The following VPS50 variants were observed in gnomAD, a reference collection of about 807,000 sequenced individuals.
VPS50 encodes VPS50 subunit of EARP/GARPII complex.
Under a neutral mutation model 139.7 loss-of-function variants are expected in VPS50, and 70 were observed. That is an observed-to-expected ratio of 0.50 (90% CI 0.41 to 0.61). The LOEUF is 0.61. VPS50 is among the 20% of genes least tolerant of loss of function. VPS50 has a pLI of 0.00. For synonymous variants in VPS50, 365 were observed against 376.7 expected, an observed-to-expected ratio of 0.97 and a Z score of 0.36; for missense variants, 921 against 1,133.7, an observed-to-expected ratio of 0.81 and a Z score of 2.69.
chr7:93,324,439 C>G (rs1023793982), intron 21 of VPS50, among the ~76,000 whole-genome samples: 3 of 152,198 alleles, frequency 2.0e-5, no homozygotes, highest in South Asian at 2.1e-4. Flanking sequence ...ATAGATAGCT[C>G]TTATTATTTT....
intron 25 of VPS50, among the ~76,000 whole-genome samples, chr7:93,351,757 T>C (rs895164069): frequency 3.9e-5 from 6 of 152,128 alleles, no homozygotes; most frequent in Admixed American, 6.6e-5. Flanking sequence ...TTAGGGAGGA[T>C]ACAACATTCA....
In VPS50 at chr7:93,358,411, A is replaced by G. The variant is rs1420858264; in HGVS notation, c.2870A>G (p.Asp957Gly). ...AGACAAAAACTTCTAGCAGCTATAG[A>G]TGATATAGACAGACCTAAAAGATAA... ...KARQKLLAAI[D>G]DIDRPKR is the part of the protein sequence containing the mutation. Residue 957 changes from aspartate (D) to glycine (G), a missense_variant, in exon 28 of 28, where the codon GAT becomes GGT. By Grantham distance (94) the Asp-to-Gly change is moderately conservative. Coordinates refer to ENST00000305866, the MANE Select transcript of VPS50 (RefSeq NM_017667.4). The G allele has an allele frequency of 1.2e-6, 2 of 1,611,480 alleles. No homozygotes were observed. Among genetic ancestry groups the G allele is most frequent in the South Asian group, 1.1e-5 (1 of 91,016 alleles).
intron 16 of VPS50, among the ~76,000 whole-genome samples, chr7:93,298,119 T>C (rs1194365429): frequency 2.0e-5 from 3 of 152,148 alleles, no homozygotes; most frequent in African/African-American, 2.4e-5. Context: ...TTAATTATTA[T>C]ATATATTTGA....
chr7:93,353,651 G>C lies in VPS50; in HGVS notation c.2475G>C (p.Gln825His), dbSNP rs1798619080. 1 of 1,612,510 alleles carries C rather than the reference G, an allele frequency of 6.2e-7. No individual in the cohort carries two copies. Among genetic ancestry groups the C allele is most frequent in the African/African-American group, 1.3e-5 (1 of 74,846 alleles). The change falls in exon 26 of 28, where the codon CAG becomes CAC. Residue 825 changes from glutamine to histidine, a missense_variant. Gln to His is a conservative substitution (Grantham distance 24). Transcript: ENST00000305866. Reference sequence around the variant, plus strand: ...ATTTGTCTTCTTAGGAATTTGAGCAGTTTAACAGGAGGCTAAATGAAGTTT... The same window carrying C: ...ATTTGTCTTCTTAGGAATTTGAGCACTTTAACAGGAGGCTAAATGAAGTTT... ...YVDALLKEFE[Q>H]FNRRLNEVSK...
At chr7:93,317,228 G>A (rs1369519077) in intron 20 of VPS50, among the ~76,000 whole-genome samples, 7 of 152,044 alleles carry the variant, frequency 4.6e-5, no homozygotes, top group Admixed American at 6.6e-5. Context: ...TTTGGCATGC[G>A]TCAGTATCAC....
intron 12 of VPS50, among the ~76,000 whole-genome samples, chr7:93,289,870 T>G (rs1376113416): frequency 1.3e-5 from 2 of 152,042 alleles, no homozygotes; most frequent in Non-Finnish European, 2.9e-5. Context: ...CTCAGTAAAT[T>G]TATAAATTAA....
chr7:93,360,640 CA>C lies in VPS50; in HGVS notation c.*2209del, dbSNP rs1451595746. Reference sequence around the variant, plus strand: ...AATGTAAATGGAATTATACGTGTTCCAAAAACTATCATTACCAAAAATTTAT... The same window carrying C: ...AATGTAAATGGAATTATACGTGTTCCAAAACTATCATTACCAAAAATTTAT... On this transcript the variant is annotated 3_prime_UTR_variant, in exon 28 of 28. Transcript: ENST00000305866. The C allele has an allele frequency of 1.3e-5, 2 of 151,826 alleles. No individual in the cohort carries two copies. The highest frequency in any genetic ancestry group is 1.5e-5 in the Non-Finnish European group (1 of 67,898). 9.4% of individuals were successfully genotyped at this position (151,826 alleles called of 1,614,324 possible).
intron 16 of VPS50, 136 bp downstream of exon 16, chr7:93,297,379 G>A (rs1040787245): frequency 1.1e-4 from 111 of 978,408 alleles, no homozygotes; most frequent in Non-Finnish European, 1.5e-5. Flanking sequence ...TTTTAAGATG[G>A]TTAAGGATTT....
intron 12 of VPS50, among the ~76,000 whole-genome samples, chr7:93,283,262 C>T (rs1176713032): frequency 1.3e-5 from 2 of 149,236 alleles, no homozygotes; most frequent in African/African-American, 5.0e-5. Flanking sequence ...GAGTCTCCCT[C>T]TGTTGCCTGG....
chr7:93,349,900 G>T lies in VPS50; in HGVS notation c.2330G>T (p.Arg777Leu), dbSNP rs767399519. ...SQTVSTASEL[R>L]KPIYWIVAGK... ...ACAGTCTCAACCGCCAGTGAACTACGGAAACCAATTTACTGGATTGTAGCT... is the reference window on the plus strand; with the variant it reads ...ACAGTCTCAACCGCCAGTGAACTACTGAAACCAATTTACTGGATTGTAGCT... Residue 777 changes from arginine to leucine, a missense_variant, in exon 25 of 28, where the codon CGG becomes CTG. By Grantham distance (102) the Arg-to-Leu change is moderately radical. This residue lies in a region of VPS50 where 744 missense variants were observed against 930.6 expected (regional missense o/e 0.80). Transcript: ENST00000305866. 1 of 1,612,846 alleles carries T rather than the reference G, an allele frequency of 6.2e-7. No homozygotes were observed. The highest frequency in any genetic ancestry group is 8.5e-7 in the Non-Finnish European group (1 of 1,179,432).
At position 93,358,445 on chromosome 7, in the gene VPS50, G is replaced by A. The variant is rs1042432327; in HGVS notation, c.*9G>A. 7 of 1,609,148 alleles carry A rather than the reference G, an allele frequency of 4.4e-6. No individual in the cohort carries two copies. The highest frequency in any genetic ancestry group is 1.7e-4 in the Middle Eastern group (1 of 6,042). ...ACAGACCTAAAAGATAATGAACACA[G>A]CTCTCTTTCCTCAATGGCATTGATC... On this transcript the variant is annotated 3_prime_UTR_variant, in exon 28 of 28. Coordinates refer to ENST00000305866, the MANE Select transcript of VPS50 (RefSeq NM_017667.4).
intron 16 of VPS50, among the ~76,000 whole-genome samples, chr7:93,297,914 G>T (rs1796858432): frequency 6.6e-6 from 1 of 152,080 alleles, no homozygotes; most frequent in Non-Finnish European, 1.5e-5. Context: ...CCTTTGAGTT[G>T]AGTTTCATCT....
chr7:93,271,475 T>C (rs1796008261), intron 10 of VPS50, among the ~76,000 whole-genome samples: 1 of 151,790 alleles, frequency 6.6e-6, no homozygotes, highest in African/African-American at 2.4e-5. Flanking sequence ...TTTGAAAATA[T>C]TGCCATTTCC....
chr7:93,235,105 A>G (rs1242141011), intron 1 of VPS50, among the ~76,000 whole-genome samples: 3 of 152,152 alleles, frequency 2.0e-5, no homozygotes, highest in Admixed American at 6.5e-5. Context: ...AAAAACCTGA[A>G]GGGGGTGAGG....
intron 13 of VPS50, among the ~76,000 whole-genome samples, chr7:93,294,151 T>C (rs565813321): frequency 6.6e-6 from 1 of 152,220 alleles, no homozygotes; most frequent in Non-Finnish European, 1.5e-5. Flanking sequence ...TGAGTTTTAA[T>C]GTAGACTATC....
In VPS50 at chr7:93,280,386, TAGC is replaced by T. The variant is rs1353540529; in HGVS notation, c.942+4086_942+4088del. On this transcript the variant is annotated intron_variant, in intron 12 of 27. Coordinates refer to ENST00000305866, the MANE Select transcript of VPS50 (RefSeq NM_017667.4). ...GAAACCCAAATAAATCGCTAAAACT[TAGC>T]AGCAAGATTTCCAAATGAAAATTCA... Among the ~76,000 whole-genome samples the T allele has an allele frequency of 2.6e-5, 4 of 152,272 alleles. No individual in the cohort carries two copies. The East Asian group carries it at 7.7e-4, about 29-fold the overall frequency.
At chr7:93,303,390 A>G in intron 16 of VPS50, 70 bp from the exon 17 acceptor site, 1 of 635,070 alleles carries the variant, frequency 1.6e-6, no homozygotes, top group Non-Finnish European at 2.8e-6. Context: ...ATTGTACATT[A>G]TTTCCTCAAT....
chr7:93,326,192 C>T (rs1289969788), intron 21 of VPS50, among the ~76,000 whole-genome samples: 1 of 149,234 alleles, frequency 6.7e-6, no homozygotes, highest in Non-Finnish European at 1.5e-5. Flanking sequence ...TAAACTATCA[C>T]AAGGACAAAA....
chr7:93,239,783 A>G (rs1418252001), intron 1 of VPS50, 83 bp from the exon 2 acceptor site: 3 of 769,244 alleles, frequency 3.9e-6, no homozygotes, highest in African/African-American at 3.5e-5. Flanking sequence ...TAAAGTGGTC[A>G]TTTCTGTTTC....
Sources: allele counts gnomAD v4.1 joint callset (sites outside exome capture counted in the v4.1 genomes callset), GRCh38; gene constraint gnomAD v4.1.1; regional missense constraint gnomAD v4.1.1; transcripts MANE v1.5; gene names NCBI Gene and HGNC (gene_info 2026-07-23, HGNC 2026-07-21).